NRXN3: variants seen among roughly 807,000 people sequenced by gnomAD.
NRXN3 encodes neurexin 3.
A neutral mutation model predicts 137.6 loss-of-function variants in NRXN3; 32 were observed. That is an observed-to-expected ratio of 0.23 (90% CI 0.18 to 0.31). NRXN3 has a LOEUF of 0.31. Ranked by LOEUF, NRXN3 falls within the 10% of genes least tolerant of loss-of-function variation. The pLI is 1.00. For missense variants in NRXN3, 1,574 were observed against 2,062.5 expected, an observed-to-expected ratio of 0.76 and a Z score of 4.59; for synonymous variants, 798 against 784.5, an observed-to-expected ratio of 1.02 and a Z score of -0.29.
intron 17 of NRXN3, among the ~76,000 whole-genome samples, chr14:79,681,983 A>G (rs1411098018): frequency 6.6e-6 from 1 of 151,578 alleles, no homozygotes. Flanking sequence ...TTTTTTCTCT[A>G]TGTCTGATCA....
chr14:78,472,201 T>C (rs2095288447), intron 4 of NRXN3, among the ~76,000 whole-genome samples: 1 of 152,130 alleles, frequency 6.6e-6, no homozygotes, highest in African/African-American at 2.4e-5. Context: ...GATGAAGTAG[T>C]TTTGCCTCTT....
intron 15 of NRXN3, among the ~76,000 whole-genome samples, chr14:79,329,600 C>CA (rs2091391991): frequency 6.6e-6 from 1 of 152,012 alleles, no homozygotes; most frequent in Admixed American, 6.6e-5. Flanking sequence ...ACTTTATTTA[C>CA]AAAAAACAGG....
At chr14:78,657,832 CT>C (rs1342325717) in intron 6 of NRXN3, among the ~76,000 whole-genome samples, 5 of 152,156 alleles carry the variant, frequency 3.3e-5, no homozygotes, top group Admixed American at 2.6e-4. Context: ...TTTGTTGTTG[CT>C]TTTTTTCTTC....
chr14:79,671,837 A>G (rs2154000070), intron 17 of NRXN3, among the ~76,000 whole-genome samples: 1 of 152,150 alleles, frequency 6.6e-6, no homozygotes, highest in East Asian at 1.9e-4. Context: ...GCTTGGACTA[A>G]TGCTAAAATT....
chr14:78,597,959 C>T (rs1301343423), intron 4 of NRXN3, among the ~76,000 whole-genome samples: 1 of 152,132 alleles, frequency 6.6e-6, no homozygotes, highest in Non-Finnish European at 1.5e-5. Flanking sequence ...GGATTAAAAG[C>T]AGGAGGACTT....
intron 4 of NRXN3, among the ~76,000 whole-genome samples, chr14:78,568,812 G>A (rs1287013035): frequency 1.3e-5 from 2 of 152,090 alleles, no homozygotes; most frequent in Non-Finnish European, 2.9e-5. Flanking sequence ...CACAACATCT[G>A]GAGACACTGC....
chr14:78,595,413 C>T (rs960627040), intron 4 of NRXN3, among the ~76,000 whole-genome samples: 3 of 152,146 alleles, frequency 2.0e-5, no homozygotes, highest in South Asian at 4.1e-4. Flanking sequence ...GGAGTAAGGT[C>T]GCCTCCTTTC....
intron 15 of NRXN3, among the ~76,000 whole-genome samples, chr14:79,155,798 A>G (rs1206718813): frequency 6.6e-6 from 1 of 151,796 alleles, no homozygotes; most frequent in African/African-American, 2.4e-5. Flanking sequence ...AGAAAACTTA[A>G]AAGTTAATAA....
intron 14 of NRXN3, among the ~76,000 whole-genome samples, chr14:78,977,860 A>G (rs1295821299): frequency 6.6e-6 from 1 of 152,122 alleles, no homozygotes; most frequent in African/African-American, 2.4e-5. Context: ...CTATGAGGGG[A>G]GTACTAATAA....
chr14:78,302,784 A>G (rs1219951022), intron 4 of NRXN3, among the ~76,000 whole-genome samples: 1 of 152,210 alleles, frequency 6.6e-6, no homozygotes, highest in Non-Finnish European at 1.5e-5. Flanking sequence ...ATTACTTTCT[A>G]TCATTCTCCT....
intron 10 of NRXN3, among the ~76,000 whole-genome samples, chr14:78,936,559 G>A (rs2099339679): frequency 6.6e-6 from 1 of 152,196 alleles, no homozygotes; most frequent in Non-Finnish European, 1.5e-5. Context: ...AGAGCCATGA[G>A]AAAACTTTTG....
intron 19 of NRXN3, among the ~76,000 whole-genome samples, chr14:79,794,859 A>G (rs28714674): frequency 0.1 from 15,338 of 152,294 alleles, 1,063 homozygotes; most frequent in African/African-American, 0.19. Context: ...GAGGATGAGC[A>G]GCAAGGAATG....
chr14:78,719,327 T>C (rs1168680974), intron 8 of NRXN3, among the ~76,000 whole-genome samples: 1 of 152,224 alleles, frequency 6.6e-6, no homozygotes, highest in African/African-American at 2.4e-5. Flanking sequence ...CCAGTGACTC[T>C]TGTTCCAGTG....
intron 15 of NRXN3, among the ~76,000 whole-genome samples, chr14:79,084,583 C>T (rs1408735648): frequency 1.3e-5 from 2 of 152,144 alleles, no homozygotes; most frequent in Admixed American, 6.5e-5. Flanking sequence ...TCTATGGCTT[C>T]TTCATTTCCT....
intron 19 of NRXN3, among the ~76,000 whole-genome samples, chr14:79,798,132 T>C (rs2099166593): frequency 1.3e-5 from 2 of 151,524 alleles, no homozygotes; most frequent in Admixed American, 6.6e-5. Flanking sequence ...TCCAGTTGTA[T>C]GTGTGGGTAT....
At chr14:78,817,197 C>G (rs954265358) in intron 10 of NRXN3, among the ~76,000 whole-genome samples, 1 of 152,178 alleles carries the variant, frequency 6.6e-6, no homozygotes, top group Non-Finnish European at 1.5e-5. Context: ...CAACACTTGT[C>G]TATGCCACAA....
chr14:78,499,543 A>G (rs1197699172), intron 4 of NRXN3, among the ~76,000 whole-genome samples: 1 of 152,186 alleles, frequency 6.6e-6, no homozygotes, highest in African/African-American at 2.4e-5. Flanking sequence ...ACATTTCCAC[A>G]AGCTTGGCAG....
At chr14:79,420,680 T>C (rs910723416) in intron 15 of NRXN3, among the ~76,000 whole-genome samples, 7 of 152,160 alleles carry the variant, frequency 4.6e-5, no homozygotes, top group African/African-American at 1.7e-4. Context: ...TGGCAAAAGC[T>C]AATACAAAAC....
intron 4 of NRXN3, among the ~76,000 whole-genome samples, chr14:78,392,318 T>G (rs1212125648): frequency 6.6e-6 from 1 of 152,232 alleles, no homozygotes; most frequent in African/African-American, 2.4e-5. Flanking sequence ...CTCACTGTTA[T>G]TGCAATGCAT....
Sources: gnomAD v4.1 joint callset for allele counts (sites outside exome capture counted in the v4.1 genomes callset) on GRCh38, gnomAD v4.1.1 for gene constraint, MANE v1.5 for transcripts, NCBI Gene and HGNC (gene_info 2026-07-23, HGNC 2026-07-21) for gene names.